Variants in LCN8 observed in about 807,000 individuals in gnomAD.
LCN8 encodes epididymal-specific lipocalin-8.
LCN8 carries 16 observed loss-of-function variants against 22.8 expected under a neutral mutation model. The ratio of observed to expected loss-of-function variants is 0.70; its 90% CI spans 0.47 to 1.06. The LOEUF (loss-of-function observed/expected upper bound fraction) is 1.06, where lower values mean the gene tolerates loss of function less well. Ranked by LOEUF, LCN8 falls within the 50% of genes least tolerant of loss-of-function variation. The pLI, the probability that LCN8 is intolerant of heterozygous loss-of-function variation, is 0.00. For missense variants in LCN8, 189 were observed against 203.3 expected (o/e 0.93, Z 0.43); for synonymous variants, 92 against 83.4 (o/e 1.10, Z -0.56).
At chr9:136,755,630 G>A in intron 3 of LCN8, 114 bp from the exon 4 acceptor site, 2 of 1,528,766 alleles carry the variant, frequency 1.3e-6, no homozygotes, top group South Asian at 2.4e-5. Context: ...GCACTTGAGT[G>A]GTTGGAGACA....
intron 3 of LCN8, 105 bp downstream of exon 3, chr9:136,756,417 A>T (rs1304124410): frequency 1.2e-6 from 2 of 1,608,374 alleles, no homozygotes; most frequent in South Asian, 2.2e-5. Flanking sequence ...AGAACAGTGC[A>T]GGGAACAGCA....
intron 1 of LCN8, 178 bp from the exon 2 acceptor site, chr9:136,757,346 C>T: frequency 6.9e-7 from 1 of 1,441,258 alleles, no homozygotes; most frequent in Non-Finnish European, 9.1e-7. Context: ...ATGTGTCCCT[C>T]CAAGCGGTGC....
intron 1 of LCN8, 43 bp downstream of exon 1, chr9:136,757,864 G>A: frequency 6.2e-7 from 1 of 1,613,490 alleles, no homozygotes; most frequent in Non-Finnish European, 8.5e-7. Flanking sequence ...CTGAGGGGTT[G>A]GGGGTGTAGG....
chr9:136,754,434 G>A lies in LCN8; in HGVS notation c.*64C>T. On this transcript the variant is annotated 3_prime_UTR_variant, in exon 7 of 7. Coordinates refer to ENST00000371688, the MANE Select transcript of LCN8 (RefSeq NM_178469.4). ...CAGGTGCAGGTGACCTGGTGGGCAG[G>A]GTGCCCAGGAGGGGCAGGGGTGGGC... The A allele has an allele frequency of 6.5e-7, 1 of 1,548,692 alleles. No individual in the cohort carries two copies.
intron 1 of LCN8, chr9:136,757,514 G>C (rs1282629842): frequency 1.5e-6 from 2 of 1,351,148 alleles, no homozygotes; most frequent in South Asian, 1.7e-5. Context: ...GCCTGGAAAA[G>C]AAAGCCCGCA....
chr9:136,754,770 C>T, intron 6 of LCN8: 2 of 1,377,224 alleles, frequency 1.5e-6, no homozygotes, highest in Non-Finnish European at 9.4e-7. Flanking sequence ...AGGATCTGTG[C>T]CCCGCCGCCG....
chr9:136,754,956 G>C, intron 6 of LCN8, 179 bp downstream of exon 6: 2 of 1,400,166 alleles, frequency 1.4e-6, no homozygotes, highest in Non-Finnish European at 1.8e-6. Flanking sequence ...TCCAAACCAG[G>C]AGACAGACTC....
At chr9:136,757,500 A>T in intron 1 of LCN8, 1 of 1,353,022 alleles carries the variant, frequency 7.4e-7, no homozygotes, top group Non-Finnish European at 9.5e-7. Flanking sequence ...ACCCAGGAGC[A>T]GAGGCCTGGA....
chr9:136,754,640 C>CGCCT, intron 6 of LCN8, 131 bp from the exon 7 acceptor site: 1 of 1,447,122 alleles, frequency 6.9e-7, no homozygotes, highest in Non-Finnish European at 9.1e-7. Flanking sequence ...GCTCCCTGAG[C>CGCCT]GCCTTCTCAA....
At chr9:136,756,086 A>G (rs1461480254) in intron 3 of LCN8, 1 of 1,302,728 alleles carries the variant, frequency 7.7e-7, no homozygotes, top group African/African-American at 1.6e-5. Flanking sequence ...CATTGCAGGG[A>G]ACAGCATGGG....
chr9:136,754,686 C>T, intron 6 of LCN8, 177 bp from the exon 7 acceptor site: 1 of 1,421,002 alleles, frequency 7.0e-7, no homozygotes, highest in Non-Finnish European at 9.2e-7. Flanking sequence ...GCCTCTAGGG[C>T]CAAGACAAAG....
chr9:136,758,053 C>A lies in LCN8; in HGVS notation c.-123G>T. ...CTGCACAGCCTGGGCCGATTCTATA[C>A]GGACAGTGCAGGCTTGTGCGCCCAC... On this transcript the variant is annotated 5_prime_UTR_variant, in exon 1 of 7. Coordinates refer to ENST00000371688, the MANE Select transcript of LCN8 (RefSeq NM_178469.4). 9.7e-6 allele frequency: 15 copies of A among 1,539,660 alleles called. No individual in the cohort carries two copies. Among genetic ancestry groups the A allele is most frequent in the Non-Finnish European group, 1.3e-5 (15 of 1,144,502 alleles).
intron 1 of LCN8, chr9:136,757,414 G>C (rs564780371): frequency 2.1e-6 from 3 of 1,413,134 alleles, no homozygotes; most frequent in East Asian, 5.2e-5. Context: ...GGGCCATCTA[G>C]AGCTGCGGAA....
chr9:136,756,937 G>C, intron 2 of LCN8, 101 bp downstream of exon 2: 2 of 1,358,984 alleles, frequency 1.5e-6, no homozygotes, highest in Non-Finnish European at 2.0e-6. Flanking sequence ...CCAGCGGGAC[G>C]GCACTCAGCC....
intron 3 of LCN8, chr9:136,756,142 G>T: frequency 2.2e-6 from 2 of 901,552 alleles, no homozygotes; most frequent in Non-Finnish European, 2.8e-6. Flanking sequence ...GGAACAGCAT[G>T]TGGAACAGCG....
intron 3 of LCN8, 160 bp downstream of exon 3, chr9:136,756,362 A>G (rs1021757558): frequency 6.3e-7 from 1 of 1,580,026 alleles, no homozygotes. Flanking sequence ...AGCACAGGGA[A>G]TAGTTCAGGG....
At position 136,755,167 on chromosome 9, in the gene LCN8, G is replaced by C; in HGVS notation, c.422-7C>G. 6.2e-7 allele frequency: 1 copy of C among 1,602,910 alleles called. No individual in the cohort carries two copies. Among genetic ancestry groups the C allele is most frequent in the Non-Finnish European group, 8.5e-7 (1 of 1,174,228 alleles). ...AGGAGCTCGGCACACCGCCCTGCAG[G>C]ATAGGCCAGCATGAGGAGCTGCAGA... On this transcript the variant is annotated splice_region_variant and splice_polypyrimidine_tract_variant and intron_variant, in intron 5 of 6. Coordinates refer to ENST00000371688, the MANE Select transcript of LCN8 (RefSeq NM_178469.4).
chr9:136,754,413 TG>T lies in LCN8; in HGVS notation c.*84del. The T allele has an allele frequency of 6.6e-7, 1 of 1,504,904 alleles. No homozygotes were observed. The highest frequency in any genetic ancestry group is 8.9e-7 in the Non-Finnish European group (1 of 1,122,828). The allele number at this position is 1,504,904 out of a possible 1,614,324, so 93.2% of individuals were successfully genotyped here. A position where few individuals can be genotyped will look rare whatever the true frequency, so the allele number is the denominator to read the frequency against. ...GACTTCACAGTTTATTCAGAGCAGG[TG>T]CAGGTGACCTGGTGGGCAGGGTGCC... is the stretch of plus-strand genomic sequence containing the variant. On this transcript the variant is annotated 3_prime_UTR_variant, in exon 7 of 7. Coordinates refer to ENST00000371688, the MANE Select transcript of LCN8 (RefSeq NM_178469.4).
At position 136,757,000 on chromosome 9, in the gene LCN8, C is replaced by A. The variant is rs747593679; in HGVS notation, c.155+38G>T. The A allele has an allele frequency of 6.2e-6, 10 of 1,605,946 alleles. No individual in the cohort carries two copies. The Admixed American group carries it at 1.5e-4, about 24-fold the overall frequency. On this transcript the variant is annotated intron_variant, in intron 2 of 6. Transcript: ENST00000371688. The stretch of plus-strand genomic sequence containing the variant: ...AACCCACGCCCAGTCCCCGGCCATG[C>A]ATGCCTCTTCCTCTCCAGCAGCCCC...
Sources: gnomAD v4.1 joint callset for allele counts on GRCh38, gnomAD v4.1.1 for gene constraint, MANE v1.5 for transcripts, NCBI Gene and HGNC (gene_info 2026-07-23, HGNC 2026-07-21) for gene names.